The following DLG2 variants were observed in gnomAD, a reference collection of about 807,000 sequenced individuals.
DLG2 encodes discs large MAGUK scaffold protein 2, also known as disks large homolog 2.
A neutral mutation model predicts 132.5 loss-of-function variants in DLG2; 45 were observed. That is an observed-to-expected ratio of 0.34 (90% CI 0.27 to 0.44). The LOEUF (loss-of-function observed/expected upper bound fraction) is 0.44. DLG2 is among the 20% of genes least tolerant of loss of function. DLG2 has a pLI of 1.00. For synonymous variants in DLG2, 424 were observed against 419.6 expected (o/e 1.01, Z -0.13); for missense variants, 1,045 against 1,196.9 (o/e 0.87, Z 1.87).
intron 9 of DLG2, among the ~76,000 whole-genome samples, chr11:84,114,825 C>CT (rs1402195239): frequency 3.4e-4 from 31 of 91,984 alleles, no homozygotes; most frequent in Middle Eastern, 7.9e-3. Flanking sequence ...TGAAGCCTGG[C>CT]TATTTTTTTT....
chr11:83,910,630 C>T (rs2075870922), intron 15 of DLG2, among the ~76,000 whole-genome samples: 1 of 152,080 alleles, frequency 6.6e-6, no homozygotes, highest in Non-Finnish European at 1.5e-5. Flanking sequence ...GATCACCACA[C>T]ATTACATGTA....
chr11:84,140,646 G>C (rs1010190325), intron 9 of DLG2, among the ~76,000 whole-genome samples: 1 of 152,104 alleles, frequency 6.6e-6, no homozygotes, highest in Non-Finnish European at 1.5e-5. Context: ...GCAGGGAGAA[G>C]TATGGCTTAT....
At chr11:85,594,436 G>A (rs150396147) in intron 3 of DLG2, among the ~76,000 whole-genome samples, 7 of 152,112 alleles carry the variant, frequency 4.6e-5, no homozygotes, top group Admixed American at 2.0e-4. Flanking sequence ...ATCATTTACC[G>A]CTTGTTCTCC....
chr11:85,343,498 T>C (rs1374988753), intron 3 of DLG2, among the ~76,000 whole-genome samples: 1 of 152,192 alleles, frequency 6.6e-6, no homozygotes, highest in Non-Finnish European at 1.5e-5. Flanking sequence ...TTTTTTTAAT[T>C]AAATAAAATA....
intron 7 of DLG2, among the ~76,000 whole-genome samples, chr11:84,474,887 G>A (rs1193830378): frequency 1.3e-5 from 2 of 151,956 alleles, no homozygotes; most frequent in African/African-American, 2.4e-5. Flanking sequence ...CCAAACACTT[G>A]CCCTTATTGA....
At chr11:84,300,006 A>C (rs1403783269) in intron 7 of DLG2, among the ~76,000 whole-genome samples, 1 of 152,048 alleles carries the variant, frequency 6.6e-6, no homozygotes, top group Non-Finnish European at 1.5e-5. Flanking sequence ...TAACAGATAA[A>C]ATGTTATACA....
intron 6 of DLG2, among the ~76,000 whole-genome samples, chr11:84,617,208 C>A (rs757698216): frequency 6.6e-6 from 1 of 151,520 alleles, no homozygotes; most frequent in Non-Finnish European, 1.5e-5. Context: ...TTGTTCAACT[C>A]CAACTTATGA....
intron 6 of DLG2, among the ~76,000 whole-genome samples, chr11:84,842,998 A>G (rs1025561752): frequency 6.6e-6 from 1 of 152,004 alleles, no homozygotes; most frequent in African/African-American, 2.4e-5. Context: ...AACAAAGAAT[A>G]CTGTTCAATG....
At position 83,633,345 on chromosome 11, in the gene DLG2, T is replaced by C; in HGVS notation, c.1826-20A>G. 1.2e-6 allele frequency: 2 copies of C among 1,605,200 alleles called. No homozygotes were observed. The highest frequency in any genetic ancestry group is 1.7e-6 in the Non-Finnish European group (2 of 1,174,038). On this transcript the variant is annotated intron_variant, in intron 18 of 27. Transcript: ENST00000376104. ...CGTAATCTGGGAATGAAAACAAAGG[T>C]AGCAAATTTTGCTCTGTGCCCTCAA...
intron 6 of DLG2, among the ~76,000 whole-genome samples, chr11:84,749,904 C>A (rs192228311): frequency 4.5e-4 from 68 of 152,216 alleles, no homozygotes; most frequent in African/African-American, 1.6e-3. Flanking sequence ...CCCTGTAAGG[C>A]AGAGATTATT....
intron 3 of DLG2, chr11:85,336,437 G>T: frequency 6.5e-6 from 1 of 154,426 alleles, no homozygotes; most frequent in Non-Finnish European, 1.4e-5. Context: ...CTGAGGTGTA[G>T]GTGGTGGCAG....
intron 6 of DLG2, among the ~76,000 whole-genome samples, chr11:84,827,676 CA>C (rs398016953): frequency 0.1 from 3,494 of 34,770 alleles, 38 homozygotes; most frequent in Middle Eastern, 0.13. Flanking sequence ...TACATACAGT[CA>C]AAAAAAAAAA....
chr11:84,730,500 T>C (rs1180382942), intron 6 of DLG2, among the ~76,000 whole-genome samples: 1 of 152,082 alleles, frequency 6.6e-6, no homozygotes, highest in Non-Finnish European at 1.5e-5. Flanking sequence ...AAAATTCCTG[T>C]GAAATCACTA....
At chr11:83,663,653 G>A (rs1454089162) in intron 18 of DLG2, among the ~76,000 whole-genome samples, 1 of 152,170 alleles carries the variant, frequency 6.6e-6, no homozygotes, top group Admixed American at 6.5e-5. Flanking sequence ...TTTGCAGATT[G>A]TATGCTCTGA....
intron 7 of DLG2, among the ~76,000 whole-genome samples, chr11:84,512,658 T>A (rs1032458719): frequency 2.0e-5 from 3 of 151,888 alleles, no homozygotes; most frequent in African/African-American, 7.3e-5. Flanking sequence ...GGAGTTTCAA[T>A]ACAGCTACCA....
chr11:84,121,737 A>AT (rs1345355719), intron 9 of DLG2, among the ~76,000 whole-genome samples: 2 of 150,678 alleles, frequency 1.3e-5, no homozygotes, highest in Non-Finnish European at 3.0e-5. Flanking sequence ...AATTTTTTGT[A>AT]TTTTTAGTAG....
chr11:84,403,798 T>C (rs1450310210), intron 7 of DLG2, among the ~76,000 whole-genome samples: 5 of 152,128 alleles, frequency 3.3e-5, no homozygotes, highest in Admixed American at 3.3e-4. Context: ...CACCTTTGCT[T>C]TCACATCTCC....
At position 85,582,660 on chromosome 11, in the gene DLG2, C is replaced by CAAAAAAAAAAAAAAAAAAAAAAAAA. The variant is rs59452629; in HGVS notation, c.40+15972_40+15996dup. The stretch of plus-strand genomic sequence containing the variant: ...GCAACATGGTGAAACCCCATCTCTA[C>CAAAAAAAAAAAAAAAAAAAAAAAAA]AAAAAAAAAAAAAAAAAAAAAAAAA... On this transcript the variant is annotated intron_variant, in intron 3 of 27. Transcript: ENST00000376104. 4.4e-4 allele frequency among the ~76,000 whole-genome samples: 12 copies of CAAAAAAAAAAAAAAAAAAAAAAAAA among 27,146 alleles called. 3 individuals are homozygous for CAAAAAAAAAAAAAAAAAAAAAAAAA. The highest frequency in any genetic ancestry group is 5.8e-4 in the Non-Finnish European group (8 of 13,824). 17.8% of individuals were successfully genotyped at this position (27,146 alleles called of 152,430 possible).
At chr11:84,143,593 C>T (rs549429190) in intron 9 of DLG2, among the ~76,000 whole-genome samples, 4 of 152,268 alleles carry the variant, frequency 2.6e-5, no homozygotes, top group Non-Finnish European at 5.9e-5. Flanking sequence ...GCATCAGGCT[C>T]ATCAACATCA....
Sources: allele counts gnomAD v4.1 joint callset (sites outside exome capture counted in the v4.1 genomes callset), GRCh38; gene constraint gnomAD v4.1.1; transcripts MANE v1.5; gene names NCBI Gene and HGNC (gene_info 2026-07-23, HGNC 2026-07-21).